Variants in PCDHA13 observed in about 807,000 individuals in gnomAD.
PCDHA13 encodes protocadherin alpha 13.
In PCDHA13, 54 loss-of-function variants were observed where a neutral mutation model predicts 64.8. The ratio of observed to expected loss-of-function variants is 0.83; its 90% CI spans 0.67 to 1.04. The LOEUF is 1.04. Ranked by LOEUF, PCDHA13 falls within the 50% of genes least tolerant of loss-of-function variation. The pLI, the probability that PCDHA13 is intolerant of heterozygous loss-of-function variation, is 0.00. For synonymous variants in PCDHA13, 587 were observed against 564.4 expected, an observed-to-expected ratio of 1.04 and a Z score of -0.57; for missense variants, 1,248 against 1,254.3, an observed-to-expected ratio of 0.99 and a Z score of 0.08.
chr5:140,922,381 A>T (rs1554200794), intron 1 of PCDHA13, among the ~76,000 whole-genome samples: 2 of 152,208 alleles, frequency 1.3e-5, no homozygotes, highest in Admixed American at 6.5e-5. Flanking sequence ...TGCAAAACCA[A>T]AGACTCCTTG....
intron 1 of PCDHA13, among the ~76,000 whole-genome samples, chr5:140,955,950 C>G (rs2095241045): frequency 6.6e-6 from 1 of 151,920 alleles, no homozygotes; most frequent in African/African-American, 2.4e-5. Flanking sequence ...TGTCTACTTG[C>G]TTGTTGTTTG....
In PCDHA13 at chr5:140,938,797, G is replaced by T. The variant is rs76361474; in HGVS notation, c.2395-40152G>T. On this transcript the variant is annotated intron_variant, in intron 1 of 3. Coordinates refer to ENST00000289272, the MANE Select transcript of PCDHA13 (RefSeq NM_018904.3). Reference sequence around the variant, plus strand: ...TTAGTACCTGAATGATGAAATAATCGGTACCACAAACCCCTGTGACATGAG... The same window carrying T: ...TTAGTACCTGAATGATGAAATAATCTGTACCACAAACCCCTGTGACATGAG... Among the ~76,000 whole-genome samples, 827 of 152,042 alleles carry T rather than the reference G, an allele frequency of 5.4e-3. 3 individuals carry two copies. Among genetic ancestry groups the T allele is most frequent in the African/African-American group, 0.019 (796 of 41,444 alleles).
chr5:140,896,762 T>C (rs1408695272), intron 1 of PCDHA13, among the ~76,000 whole-genome samples: 1 of 152,224 alleles, frequency 6.6e-6, no homozygotes, highest in Non-Finnish European at 1.5e-5. Context: ...TAGACCTTTG[T>C]TGGATGCATA....
intron 1 of PCDHA13, among the ~76,000 whole-genome samples, chr5:140,899,834 G>T (rs181729880): frequency 6.6e-6 from 1 of 152,198 alleles, no homozygotes; most frequent in Admixed American, 6.5e-5. Context: ...TTTGAGACAG[G>T]TCTTGCTGTG....
chr5:141,008,515 A>G (rs1430400139), intron 3 of PCDHA13, among the ~76,000 whole-genome samples: 1 of 152,126 alleles, frequency 6.6e-6, no homozygotes, highest in Non-Finnish European at 1.5e-5. Context: ...GTGTCTTCCA[A>G]TCAGACTCTT....
At chr5:140,927,430 A>C (rs782761686) in intron 1 of PCDHA13, 4 of 1,614,152 alleles carry the variant, frequency 2.5e-6, no homozygotes, top group Non-Finnish European at 3.4e-6. Flanking sequence ...GGTTGACGGC[A>C]GCGAATACCC....
At chr5:140,967,921 C>G (rs781932025) in intron 1 of PCDHA13, 1 of 1,614,172 alleles carries the variant, frequency 6.2e-7, no homozygotes, top group East Asian at 2.2e-5. Flanking sequence ...CCATTGTGGC[C>G]GTTCTCAGTG....
At chr5:140,930,902 T>C (rs1474835953) in intron 1 of PCDHA13, among the ~76,000 whole-genome samples, 1 of 152,212 alleles carries the variant, frequency 6.6e-6, no homozygotes, top group Non-Finnish European at 1.5e-5. Flanking sequence ...TTTAACTTAC[T>C]TTTCTACTTT....
chr5:140,995,684 A>G (rs2097694657), intron 3 of PCDHA13, among the ~76,000 whole-genome samples: 1 of 152,144 alleles, frequency 6.6e-6, no homozygotes, highest in Non-Finnish European at 1.5e-5. Context: ...ATTTTTTTTA[A>G]TTGTTAAATA....
chr5:140,973,666 A>G (rs531003588), intron 1 of PCDHA13, among the ~76,000 whole-genome samples: 8 of 152,322 alleles, frequency 5.3e-5, no homozygotes, highest in African/African-American at 1.9e-4. Flanking sequence ...TATTTATTGT[A>G]GCTTGAATGT....
intron 1 of PCDHA13, among the ~76,000 whole-genome samples, chr5:140,965,210 T>C (rs1554227481): frequency 6.6e-6 from 1 of 152,214 alleles, no homozygotes; most frequent in Non-Finnish European, 1.5e-5. Context: ...TTCAAATTCC[T>C]GTGGAAGAAA....
chr5:140,895,631 C>T (rs1227407918), intron 1 of PCDHA13, among the ~76,000 whole-genome samples: 4 of 152,106 alleles, frequency 2.6e-5, no homozygotes, highest in African/African-American at 9.7e-5. Context: ...TGTCTTTTCA[C>T]ATTCTTTTTT....
intron 3 of PCDHA13, among the ~76,000 whole-genome samples, chr5:140,984,358 A>G (rs1443365008): frequency 1.3e-5 from 2 of 152,234 alleles, no homozygotes; most frequent in Admixed American, 1.3e-4. Flanking sequence ...TATTTCATAC[A>G]TCTGGCCAAG....
chr5:140,993,291 C>A (rs961103629), intron 3 of PCDHA13, among the ~76,000 whole-genome samples: 6 of 152,068 alleles, frequency 3.9e-5, no homozygotes, highest in African/African-American at 1.4e-4. Flanking sequence ...CCCAGGGTCA[C>A]AACCTTGCCT....
At position 140,909,867 on chromosome 5, in the gene PCDHA13, C is replaced by T. The variant is rs544055697; in HGVS notation, c.2394+25205C>T. Among the ~76,000 whole-genome samples the T allele has an allele frequency of 2.8e-4, 43 of 152,282 alleles. 1 individual carries two copies. The highest frequency in any genetic ancestry group is 4.9e-4 in the Non-Finnish European group (33 of 68,020). On this transcript the variant is annotated intron_variant, in intron 1 of 3. Coordinates refer to ENST00000289272, the MANE Select transcript of PCDHA13 (RefSeq NM_018904.3). ...GACGTTTTCGGTCCCCTGGAGTCAA[C>T]GTCAGCTTAGAGACACTGTTCAGTA...
At position 140,882,720 on chromosome 5, in the gene PCDHA13, G is replaced by T; in HGVS notation, c.452G>T (p.Arg151Leu). The T allele has an allele frequency of 1.2e-6, 2 of 1,614,198 alleles. No individual in the cohort carries two copies. The highest frequency in any genetic ancestry group is 1.7e-6 in the Non-Finnish European group (2 of 1,180,040). ...GCAGAATCTAGACCTCCGGAAACTC[G>T]ATTTCCACTAGATGGCGCATCCGAT... ...IIAESRPPET[R>L]FPLDGASDAD... The change falls in exon 1 of 4, where the codon CGA becomes CTA. Residue 151 changes from arginine (R) to leucine (L), a missense_variant. By Grantham distance (102) the Arg-to-Leu change is moderately radical (BLOSUM62 -2). Transcript: ENST00000289272.
intron 3 of PCDHA13, among the ~76,000 whole-genome samples, chr5:141,007,031 T>C (rs1554261019): frequency 6.6e-6 from 1 of 152,144 alleles, no homozygotes; most frequent in African/African-American, 2.4e-5. Flanking sequence ...ATGGTATTTA[T>C]ATCTATGGAT....
At chr5:140,929,175 A>G (rs1554206790) in intron 1 of PCDHA13, 2 of 1,614,126 alleles carry the variant, frequency 1.2e-6, no homozygotes, top group East Asian at 4.5e-5. Flanking sequence ...CCTCTCTGGG[A>G]CTTGGTTCTG....
At chr5:140,920,923 G>C (rs1229531762) in intron 1 of PCDHA13, among the ~76,000 whole-genome samples, 5 of 151,200 alleles carry the variant, frequency 3.3e-5, no homozygotes, top group African/African-American at 1.2e-4. Flanking sequence ...TCCAAGAGTA[G>C]GTGATCTAGC....
Sources: allele counts gnomAD v4.1 joint callset (sites outside exome capture counted in the v4.1 genomes callset), GRCh38; gene constraint gnomAD v4.1.1; transcripts MANE v1.5; gene names NCBI Gene and HGNC (gene_info 2026-07-23, HGNC 2026-07-21).